BPTF: variants seen among roughly 807,000 people sequenced by gnomAD.
The protein encoded by BPTF is bromodomain PHD finger transcription factor, also known as nucleosome-remodeling factor subunit BPTF.
Under a neutral mutation model 292.5 loss-of-function variants are expected in BPTF, and 18 were observed. The observed-to-expected ratio is 0.06, with a 90% CI of 0.04 to 0.09. BPTF has a LOEUF of 0.09. Ranked by LOEUF, BPTF falls within the 10% of genes least tolerant of loss-of-function variation. BPTF has a pLI of 1.00. For synonymous variants in BPTF, 1,225 were observed against 1,251.9 expected (o/e 0.98, Z 0.45); for missense variants, 2,726 against 3,498.7 (o/e 0.78, Z 5.57).
chr17:67,973,801 C>T (rs1187885680), intron 26 of BPTF: 3 of 152,040 alleles, frequency 2.0e-5, no homozygotes, highest in African/African-American at 7.3e-5. Context: ...GCCACCCCAG[C>T]CGCAACCTCA....
intron 4 of BPTF, chr17:67,875,544 AT>A: frequency 6.8e-7 from 1 of 1,471,160 alleles, no homozygotes; most frequent in Non-Finnish European, 9.1e-7. Context: ...TTTGTTGTGC[AT>A]TTTGCTGTAG....
At chr17:67,866,348 G>A (rs1208196302) in intron 2 of BPTF, 116 bp from the exon 3 acceptor site, 11 of 740,244 alleles carry the variant, frequency 1.5e-5, no homozygotes, top group South Asian at 3.5e-5. Context: ...TCTTGTGAGC[G>A]CCTATATTGA....
intron 18 of BPTF, among the ~76,000 whole-genome samples, chr17:67,939,459 G>T (rs1277981687): frequency 6.6e-6 from 1 of 152,146 alleles, no homozygotes; most frequent in East Asian, 1.9e-4. Flanking sequence ...TCTACATGGG[G>T]GAAAATTCCA....
chr17:67,879,249 C>A (rs930533856), intron 4 of BPTF, among the ~76,000 whole-genome samples: 6 of 150,960 alleles, frequency 4.0e-5, no homozygotes, highest in Non-Finnish European at 5.9e-5. Context: ...TCAAGCGATT[C>A]TCCTGCCTCA....
intron 1 of BPTF, among the ~76,000 whole-genome samples, chr17:67,835,725 G>A (rs1024384384): frequency 1.3e-5 from 2 of 151,644 alleles, no homozygotes; most frequent in Non-Finnish European, 2.9e-5. Context: ...GAGTGCGGTG[G>A]CGCGATTTCG....
chr17:67,909,478 A>G, intron 9 of BPTF, 104 bp from the exon 10 acceptor site: 1 of 789,168 alleles, frequency 1.3e-6, no homozygotes, highest in Admixed American at 3.6e-5. Context: ...AAAAAATGAA[A>G]CATAACTTGC....
chr17:67,862,784 C>T (rs1372395555), intron 2 of BPTF, among the ~76,000 whole-genome samples: 1 of 151,250 alleles, frequency 6.6e-6, no homozygotes, highest in Non-Finnish European at 1.5e-5. Context: ...GCCATGCTCC[C>T]TCTGCAGGCT....
intron 9 of BPTF, among the ~76,000 whole-genome samples, chr17:67,909,158 GCTGA>G (rs1387997459): frequency 6.7e-6 from 1 of 149,308 alleles, no homozygotes; most frequent in African/African-American, 2.5e-5. Flanking sequence ...TTATCTTGTA[GCTGA>G]CTATGTTACT....
At chr17:67,966,439 C>T (rs2068105736) in intron 25 of BPTF, 133 bp from the exon 26 acceptor site, 2 of 721,512 alleles carry the variant, frequency 2.8e-6, no homozygotes, top group Non-Finnish European at 4.6e-6. Flanking sequence ...GAGCAGAAAT[C>T]ACTTAATATA....
chr17:67,844,468 C>T lies in BPTF; in HGVS notation c.614-9472C>T, dbSNP rs538211787. On this transcript the variant is annotated intron_variant, in intron 1 of 27. Transcript: ENST00000306378. ...TTCACCGTGTTAGCCAGTATGGTCTCGATCTCCTGACCTCGTGATCCGCCC... is the reference window on the plus strand; with the variant it reads ...TTCACCGTGTTAGCCAGTATGGTCTTGATCTCCTGACCTCGTGATCCGCCC... Among the ~76,000 whole-genome samples the T allele has an allele frequency of 7.3e-5, 11 of 151,532 alleles. No individual in the cohort carries two copies. In the East Asian group the frequency reaches 7.9e-4, roughly 11 times the overall value.
intron 1 of BPTF, among the ~76,000 whole-genome samples, chr17:67,850,471 C>T (rs570340548): frequency 3.9e-5 from 6 of 152,214 alleles, no homozygotes; most frequent in South Asian, 2.1e-4. Context: ...TGGGTTCAAG[C>T]GGTTCTTCTG....
chr17:67,902,552 CT>C (rs1194667456), intron 7 of BPTF, among the ~76,000 whole-genome samples: 2 of 152,154 alleles, frequency 1.3e-5, no homozygotes, highest in African/African-American at 4.8e-5. Context: ...CTCCCATCAG[CT>C]TATGAGAGAC....
chr17:67,948,694 A>G (rs1555676841), intron 23 of BPTF, among the ~76,000 whole-genome samples: 1 of 152,226 alleles, frequency 6.6e-6, no homozygotes, highest in Non-Finnish European at 1.5e-5. Flanking sequence ...TCCATTAAAT[A>G]AGACAAATTG....
In BPTF at chr17:67,912,263, C is replaced by A; in HGVS notation, c.4379C>A (p.Ser1460Tyr). 6.2e-7 allele frequency: 1 copy of A among 1,612,256 alleles called. No individual in the cohort carries two copies. The highest frequency in any genetic ancestry group is 1.1e-5 in the South Asian group (1 of 90,646). Residue 1460 changes from serine (S) to tyrosine (Y), a missense_variant, in exon 11 of 28, where the codon TCT becomes TAT. This residue lies in a region of BPTF where 713 missense variants were observed against 714.9 expected (regional missense o/e 1.00). Coordinates refer to ENST00000306378, the MANE Select transcript of BPTF (RefSeq NM_182641.4). ...NDIKSLTVKE[S>Y]AIRPFINGDV... ...ATTAAATCATTGACTGTTAAAGAAT[C>A]TGCTATAAGGCCATTCATTAATGGT...
Position 67,947,962 on chromosome 17 carries a change from C to G in BPTF, c.7701-119C>G, listed in dbSNP as rs1336328142. 2.3e-5 allele frequency: 29 copies of G among 1,262,090 alleles called. 1 individual carries two copies. The highest frequency in any genetic ancestry group is 8.4e-5 in the South Asian group (6 of 71,174). The allele number at this position is 1,262,090 out of a possible 1,614,324, so 78.2% of individuals were successfully genotyped here. On this transcript the variant is annotated intron_variant, in intron 22 of 27. Coordinates refer to ENST00000306378, the MANE Select transcript of BPTF (RefSeq NM_182641.4). ...TTACTCATAACTGGTTTGAACCACT[C>G]TTGACGTTTTCCAGTCACAGAAAGT...
intron 17 of BPTF, among the ~76,000 whole-genome samples, chr17:67,931,550 T>C (rs138230804): frequency 1.3e-5 from 2 of 152,356 alleles, no homozygotes; most frequent in East Asian, 1.9e-4. Context: ...CTTCCTGTTA[T>C]ATTCTGTGGG....
intron 18 of BPTF, among the ~76,000 whole-genome samples, chr17:67,934,744 C>T (rs1181493835): frequency 6.6e-6 from 1 of 151,404 alleles, no homozygotes; most frequent in Non-Finnish European, 1.5e-5. Context: ...TGGTGGTGCA[C>T]ACCTGTAGTC....
chr17:67,975,983 G>A, intron 27 of BPTF, 25 bp downstream of exon 27: 1 of 1,572,168 alleles, frequency 6.4e-7, no homozygotes, highest in South Asian at 1.2e-5. Context: ...TCGGTATTCT[G>A]AATTAATTCA....
chr17:67,834,158 C>G lies in BPTF; in HGVS notation c.613+7821C>G, dbSNP rs1465254881. Among the ~76,000 whole-genome samples the G allele has an allele frequency of 3.3e-5, 5 of 152,248 alleles. No homozygotes were observed. The East Asian group carries it at 9.6e-4, about 29-fold the overall frequency. ...AGGTGGGGCTAAGTTCCTGTGTTTC[C>G]CACCCGTATAACCTCCAGGACCATG... On this transcript the variant is annotated intron_variant, in intron 1 of 27. Transcript: ENST00000306378.
Sources: gnomAD v4.1 joint callset for allele counts (sites outside exome capture counted in the v4.1 genomes callset) on GRCh38, gnomAD v4.1.1 for gene constraint, gnomAD v4.1.1 regional missense constraint, MANE v1.5 for transcripts, NCBI Gene and HGNC (gene_info 2026-07-23, HGNC 2026-07-21) for gene names.